The following PUM1 variants were observed in gnomAD, a reference collection of about 807,000 sequenced individuals.
The protein encoded by PUM1 is pumilio homolog 1.
PUM1 carries 13 observed loss-of-function variants against 131.8 expected under a neutral mutation model. That is an observed-to-expected ratio of 0.10 (90% CI 0.06 to 0.16). The LOEUF (loss-of-function observed/expected upper bound fraction) is 0.16. Among genes scored for constraint, PUM1 ranks in the 10% least tolerant of loss-of-function variants. PUM1 has a pLI of 1.00. For synonymous variants in PUM1, 509 were observed against 556.5 expected (o/e 0.91, Z 1.20); for missense variants, 961 against 1,512.4 (o/e 0.64, Z 6.05).
chr1:31,006,052 C>T, intron 4 of PUM1, 21 bp from the exon 5 acceptor site: 1 of 1,578,258 alleles, frequency 6.3e-7, no homozygotes, highest in Non-Finnish European at 8.6e-7. Context: ...GATACACAAG[C>T]ATGATACAGT....
At chr1:31,022,675 A>G (rs1332873073) in intron 3 of PUM1, among the ~76,000 whole-genome samples, 1 of 152,134 alleles carries the variant, frequency 6.6e-6, no homozygotes, top group Admixed American at 6.5e-5. Context: ...CTCAAACAAT[A>G]CTGATAAAAA....
chr1:31,017,434 C>T (rs1444290637), intron 3 of PUM1, among the ~76,000 whole-genome samples: 1 of 152,046 alleles, frequency 6.6e-6, no homozygotes, highest in African/African-American at 2.4e-5. Context: ...TTGTCCAACC[C>T]GCAGCCCAGA....
At chr1:31,052,815 T>C (rs1644144218) in intron 2 of PUM1, among the ~76,000 whole-genome samples, 2 of 150,924 alleles carry the variant, frequency 1.3e-5, no homozygotes, top group African/African-American at 4.9e-5. Flanking sequence ...GCAATTCTCA[T>C]GCCTCAGCCT....
chr1:31,015,736 C>G (rs1279050776), intron 3 of PUM1, among the ~76,000 whole-genome samples: 1 of 140,206 alleles, frequency 7.1e-6, no homozygotes, highest in Non-Finnish European at 1.5e-5. Flanking sequence ...TGCAATGATG[C>G]GATCTCAGCT....
At chr1:30,992,959 C>T (rs866061525) in intron 6 of PUM1, among the ~76,000 whole-genome samples, 1 of 152,118 alleles carries the variant, frequency 6.6e-6, no homozygotes, top group South Asian at 2.1e-4. Flanking sequence ...GGAAAAATCA[C>T]TGTCTATAGC....
intron 18 of PUM1, among the ~76,000 whole-genome samples, chr1:30,943,301 T>C (rs1639537045): frequency 6.6e-6 from 1 of 152,172 alleles, no homozygotes; most frequent in Non-Finnish European, 1.5e-5. Flanking sequence ...TCACTCTTGT[T>C]GCCTAGGCTG....
intron 7 of PUM1, among the ~76,000 whole-genome samples, chr1:30,986,650 C>CA (rs2124477399): frequency 6.6e-6 from 1 of 151,872 alleles, no homozygotes; most frequent in African/African-American, 2.4e-5. Context: ...TAGGGAAGAA[C>CA]AAAACACATC....
chr1:30,980,287 G>C, intron 8 of PUM1, 124 bp from the exon 9 acceptor site: 1 of 764,700 alleles, frequency 1.3e-6, no homozygotes, highest in South Asian at 1.5e-5. Flanking sequence ...AAGAGAAGAC[G>C]GGACAGGTTG....
At chr1:31,054,756 G>A (rs1175956577) in intron 2 of PUM1, among the ~76,000 whole-genome samples, 1 of 152,122 alleles carries the variant, frequency 6.6e-6, no homozygotes, top group Non-Finnish European at 1.5e-5. Flanking sequence ...TAGGAGAATG[G>A]TCAACATTTG....
chr1:31,027,267 C>T (rs1285179734), intron 3 of PUM1, among the ~76,000 whole-genome samples: 1 of 151,998 alleles, frequency 6.6e-6, no homozygotes. Context: ...GAGACTCTGT[C>T]TCTATTTTTA....
At chr1:31,017,779 T>C (rs2124528382) in intron 3 of PUM1, among the ~76,000 whole-genome samples, 1 of 152,236 alleles carries the variant, frequency 6.6e-6, no homozygotes, top group Middle Eastern at 3.4e-3. Flanking sequence ...ATCACTAATG[T>C]CAGCTGTCAG....
intron 1 of PUM1, among the ~76,000 whole-genome samples, chr1:31,063,593 T>A (rs1644413770): frequency 6.6e-6 from 1 of 152,076 alleles, no homozygotes; most frequent in Admixed American, 6.6e-5. Flanking sequence ...CAAATTACAC[T>A]TGTACCTCAC....
chr1:31,044,573 G>A (rs1180805862), intron 2 of PUM1, among the ~76,000 whole-genome samples: 1 of 152,160 alleles, frequency 6.6e-6, no homozygotes, highest in Non-Finnish European at 1.5e-5. Context: ...AGACTGGGGA[G>A]TGACGGCTGC....
intron 2 of PUM1, among the ~76,000 whole-genome samples, chr1:31,035,121 T>C (rs1240745830): frequency 6.6e-6 from 1 of 152,230 alleles, no homozygotes; most frequent in East Asian, 1.9e-4. Context: ...AAATACTTTA[T>C]ACACTTTATC....
At chr1:30,944,611 T>C (rs12406355) in intron 18 of PUM1, among the ~76,000 whole-genome samples, 60,032 of 152,080 alleles carry the variant, frequency 0.39, 12,280 homozygotes, top group Admixed American at 0.46. Context: ...ACTGCATCCC[T>C]TCCAAAAAAA....
intron 10 of PUM1, among the ~76,000 whole-genome samples, chr1:30,972,267 AGAAGG>A (rs142906505): frequency 0.013 from 66 of 4,918 alleles, 13 homozygotes; most frequent in Admixed American, 0.032. Flanking sequence ...AGAAAAGAAA[AGAAGG>A]GAAGGGAAGG....
At chr1:31,022,263 AC>A (rs1643056588) in intron 3 of PUM1, among the ~76,000 whole-genome samples, 3 of 152,212 alleles carry the variant, frequency 2.0e-5, no homozygotes, top group African/African-American at 7.2e-5. Context: ...GAAAAGTGTT[AC>A]CATTTATTAG....
chr1:31,013,950 GTTCATTCA>G (rs964110943), intron 3 of PUM1, among the ~76,000 whole-genome samples: 8 of 152,108 alleles, frequency 5.3e-5, no homozygotes, highest in African/African-American at 1.9e-4. Flanking sequence ...GAAAAGCCAA[GTTCATTCA>G]TTCCTGGTTA....
At chr1:31,064,316 T>C (rs1040448650) in intron 1 of PUM1, among the ~76,000 whole-genome samples, 4 of 152,158 alleles carry the variant, frequency 2.6e-5, no homozygotes, top group South Asian at 2.1e-4. Flanking sequence ...ATGAATTCAA[T>C]TGTCGCTAAA....
Sources: gnomAD v4.1 joint callset for allele counts (sites outside exome capture counted in the v4.1 genomes callset) on GRCh38, gnomAD v4.1.1 for gene constraint, MANE v1.5 for transcripts, NCBI Gene and HGNC (gene_info 2026-07-23, HGNC 2026-07-21) for gene names.